The following OPN5 variants were observed in gnomAD, a reference collection of about 807,000 sequenced individuals.
The protein encoded by OPN5 is opsin 5.
A neutral mutation model predicts 41.7 loss-of-function variants in OPN5; 18 were observed. The ratio of observed to expected loss-of-function variants is 0.43; its 90% confidence interval spans 0.30 to 0.64. The LOEUF (loss-of-function observed/expected upper bound fraction) is 0.64. Ranked by LOEUF, OPN5 falls within the 30% of genes least tolerant of loss-of-function variation. The probability of loss-of-function intolerance (pLI) is 0.13; values close to 1 mark genes in which losing one functional copy is unlikely to be tolerated. For missense variants in OPN5, 318 were observed against 434.5 expected (o/e 0.73, Z 2.38); for synonymous variants, 178 against 164.3 (o/e 1.08, Z -0.64).
intron 4 of OPN5, among the ~76,000 whole-genome samples, chr6:47,801,188 C>T (rs903051132): frequency 6.6e-6 from 1 of 152,328 alleles, no homozygotes; most frequent in Admixed American, 6.5e-5. Context: ...GCTGTGGGTC[C>T]TGTTTGCCAC....
At chr6:47,817,597 T>C (rs904458534) in intron 6 of OPN5, among the ~76,000 whole-genome samples, 2 of 152,112 alleles carry the variant, frequency 1.3e-5, no homozygotes, top group African/African-American at 4.8e-5. Flanking sequence ...TTGAGCCCCA[T>C]GCCTGACCTA....
intron 4 of OPN5, among the ~76,000 whole-genome samples, chr6:47,804,257 G>A (rs992526027): frequency 1.3e-5 from 2 of 152,058 alleles, no homozygotes; most frequent in Non-Finnish European, 2.9e-5. Context: ...TTTAGGATTT[G>A]AAGTCTTACT....
intron 4 of OPN5, among the ~76,000 whole-genome samples, chr6:47,805,989 C>T (rs1773944671): frequency 6.6e-6 from 1 of 152,004 alleles, no homozygotes; most frequent in Admixed American, 6.6e-5. Flanking sequence ...TTGAGTCATG[C>T]GCTGCTCTCT....
intron 5 of OPN5, among the ~76,000 whole-genome samples, chr6:47,811,312 C>G (rs566437336): frequency 6.6e-6 from 1 of 152,210 alleles, no homozygotes; most frequent in Non-Finnish European, 1.5e-5. Flanking sequence ...CTCCCCTGAC[C>G]ACCTTGGCTT....
At chr6:47,793,928 C>A (rs745995150) in intron 3 of OPN5, among the ~76,000 whole-genome samples, 2 of 152,090 alleles carry the variant, frequency 1.3e-5, no homozygotes, top group Non-Finnish European at 2.9e-5. Context: ...ATGATTGCCA[C>A]CCCTATCTGG....
chr6:47,821,290 T>C (rs1177694048), intron 6 of OPN5, among the ~76,000 whole-genome samples: 1 of 152,202 alleles, frequency 6.6e-6, no homozygotes. Context: ...CACTACCTTG[T>C]GGGGAATGCT....
At chr6:47,789,283 C>T (rs1395291103) in intron 2 of OPN5, among the ~76,000 whole-genome samples, 4 of 152,146 alleles carry the variant, frequency 2.6e-5, no homozygotes, top group Admixed American at 6.6e-5. Context: ...GAGAAGTCTT[C>T]CTTAATGTCT....
chr6:47,820,133 T>TAGAGAGAGAGAGAG (rs5876036), intron 6 of OPN5, among the ~76,000 whole-genome samples: 12 of 149,384 alleles, frequency 8.0e-5, no homozygotes, highest in African/African-American at 2.7e-4. Flanking sequence ...TCCTTTTGAA[T>TAGAGAGAGAGAGAG]AGAGAGAGAG....
At chr6:47,788,669 T>C (rs1464266284) in intron 2 of OPN5, among the ~76,000 whole-genome samples, 1 of 152,178 alleles carries the variant, frequency 6.6e-6, no homozygotes, top group Non-Finnish European at 1.5e-5. Context: ...AAGCACCTCC[T>C]GGAGGCCAGA....
At chr6:47,802,617 C>T (rs1773818389) in intron 4 of OPN5, among the ~76,000 whole-genome samples, 1 of 152,146 alleles carries the variant, frequency 6.6e-6, no homozygotes, top group African/African-American at 2.4e-5. Context: ...GTTACTAGAA[C>T]CACATGGCCT....
At chr6:47,802,475 G>C (rs1773812119) in intron 4 of OPN5, among the ~76,000 whole-genome samples, 3 of 151,994 alleles carry the variant, frequency 2.0e-5, no homozygotes, top group African/African-American at 4.8e-5. Flanking sequence ...AATCCTGCTG[G>C]GCCTTAGTTT....
chr6:47,816,281 C>T (rs540217871), intron 6 of OPN5, among the ~76,000 whole-genome samples: 11 of 152,192 alleles, frequency 7.2e-5, no homozygotes, highest in Middle Eastern at 3.4e-3. Context: ...ATTGTAAATA[C>T]TTTAATTGTA....
At chr6:47,791,919 C>G in exon 3 of OPN5, 1 of 1,613,920 alleles carries the variant, frequency 6.2e-7, no homozygotes. Flanking sequence ...AGCCTTATCA[C>G]CATGACTGCT....
chr6:47,818,109 C>T (rs1275726750), intron 6 of OPN5, among the ~76,000 whole-genome samples: 1 of 152,146 alleles, frequency 6.6e-6, no homozygotes, highest in African/African-American at 2.4e-5. Context: ...TAAGTATTTT[C>T]TACTTTGAAA....
chr6:47,796,725 AGTAAGTCAGAGACTTGGTTCTGGTAATAT>A (rs1440165048), intron 4 of OPN5, among the ~76,000 whole-genome samples: 1 of 152,198 alleles, frequency 6.6e-6, no homozygotes, highest in Non-Finnish European at 1.5e-5. Context: ...ATGGCTTTTT[AGTAAGTCAGAGACTTGGTTCTGGTAATAT>A]GCCTCTCTCC....
At chr6:47,818,749 GA>G (rs1305286429) in intron 6 of OPN5, among the ~76,000 whole-genome samples, 5 of 152,192 alleles carry the variant, frequency 3.3e-5, no homozygotes, top group African/African-American at 1.2e-4. Flanking sequence ...GGCAGGCATG[GA>G]AAATCAGCAG....
rs184942521 is a variant in OPN5, at chr6:47,784,892, G to C, written c.131-1623G>C. On this transcript the variant is annotated intron_variant, in intron 1 of 6. Transcript: ENST00000371211. ...CTTTGGTCTTTATCTTCTTAATCTG[G>C]TTGTCTTTTCAGTAATATTAAGAAT... Among the ~76,000 whole-genome samples, 867 of 152,030 alleles carry C rather than the reference G, an allele frequency of 5.7e-3. 4 individuals carry two copies. The highest frequency in any genetic ancestry group is 8.8e-3 in the Non-Finnish European group (600 of 67,962).
intron 4 of OPN5, among the ~76,000 whole-genome samples, chr6:47,806,812 T>G (rs2113983487): frequency 6.6e-6 from 1 of 152,344 alleles, no homozygotes; most frequent in African/African-American, 2.4e-5. Context: ...TTTACTTTGT[T>G]TCACCACTAT....
exon 6 of OPN5, chr6:47,811,681 A>C (rs1189436543): frequency 1.2e-6 from 2 of 1,612,004 alleles, no homozygotes; most frequent in Admixed American, 3.3e-5. Flanking sequence ...TAGGCTGCAC[A>C]CCGTAACCAC....
Sources: gnomAD v4.1 joint callset for allele counts (sites outside exome capture counted in the v4.1 genomes callset) on GRCh38, gnomAD v4.1.1 for gene constraint, MANE v1.5 for transcripts, NCBI Gene and HGNC (gene_info 2026-07-23, HGNC 2026-07-21) for gene names.